The following CDYL2 variants were observed in gnomAD, a reference collection of about 807,000 sequenced individuals.
CDYL2 encodes the protein chromodomain Y like 2.
A neutral mutation model predicts 49.4 loss-of-function variants in CDYL2; 23 were observed. That is an observed-to-expected ratio of 0.47 (90% CI 0.34 to 0.66). The LOEUF is 0.66. CDYL2 is among the 30% of genes least tolerant of loss of function. The probability of loss-of-function intolerance (pLI) is 0.01; values close to 1 mark genes in which losing one functional copy is unlikely to be tolerated. For synonymous variants in CDYL2, 360 were observed against 268.8 expected (o/e 1.34, Z -3.32); for missense variants, 678 against 656.4 (o/e 1.03, Z -0.36).
intron 2 of CDYL2, among the ~76,000 whole-genome samples, chr16:80,645,672 A>G (rs1305985906): frequency 6.6e-6 from 1 of 152,192 alleles, no homozygotes; most frequent in African/African-American, 2.4e-5. Flanking sequence ...GCTGCTATAA[A>G]GACACATGCA....
At chr16:80,749,306 A>C (rs529701170) in intron 1 of CDYL2, among the ~76,000 whole-genome samples, 1 of 152,220 alleles carries the variant, frequency 6.6e-6, no homozygotes, top group Non-Finnish European at 1.5e-5. Context: ...AAAGTTATTG[A>C]AAATGCATAA....
chr16:80,675,819 G>A (rs562236498), intron 2 of CDYL2, among the ~76,000 whole-genome samples: 28 of 152,156 alleles, frequency 1.8e-4, no homozygotes, highest in Admixed American at 4.6e-4. Context: ...TTGCTCCTGG[G>A]GAGGATCGCT....
rs767900411 is a variant in CDYL2, at chr16:80,608,200, G to A, written c.1254C>T (p.Thr418=). ...GCCCCCTGCTGCAGGCCTCCTGGGCGGTGAGCTTCCGCCCACAGAACAGCA... is the reference window on the plus strand; with the variant it reads ...GCCCCCTGCTGCAGGCCTCCTGGGCAGTGAGCTTCCGCCCACAGAACAGCA... ...NEMLFCGRKL[T]AQEACSRGLV... Residue 418 remains threonine (T), a synonymous_variant, in exon 6 of 7, where the codon ACC becomes ACT. Transcript: ENST00000570137. 3.1e-6 allele frequency: 5 copies of A among 1,593,640 alleles called. No individual in the cohort carries two copies. The highest frequency in any genetic ancestry group is 1.1e-5 in the South Asian group (1 of 87,386).
At chr16:80,748,716 C>G (rs771748353) in intron 1 of CDYL2, among the ~76,000 whole-genome samples, 38 of 151,832 alleles carry the variant, frequency 2.5e-4, no homozygotes, top group Non-Finnish European at 5.1e-4. Context: ...CCATCTGGCC[C>G]AACACCACAA....
rs899041883 is a variant in CDYL2 at position 80,804,011 on chromosome 16, G to GGCCGCC, written c.24+133_24+138dup. On this transcript the variant is annotated intron_variant, in intron 1 of 6. Coordinates refer to ENST00000570137, the MANE Select transcript of CDYL2 (RefSeq NM_152342.4). ...GCGCGCCCGGCCCCCGCCACCCTCC[G>GGCCGCC]GCCGCCGCCGCCGCCGCCGCGGGCT... 39 of 384,054 alleles carry GGCCGCC rather than the reference G, an allele frequency of 1.0e-4. 1 individual carries two copies. In the South Asian group the frequency reaches 3.2e-3, roughly 32 times the overall value. The allele number at this position is 384,054 out of a possible 1,614,324, so 23.8% of individuals were successfully genotyped here. A position where few individuals can be genotyped will look rare whatever the true frequency, so the allele number is the denominator to read the frequency against.
chr16:80,636,199 T>C (rs1193464756), intron 2 of CDYL2, among the ~76,000 whole-genome samples: 2 of 152,070 alleles, frequency 1.3e-5, no homozygotes, highest in Non-Finnish European at 2.9e-5. Context: ...AAAGCCAAAA[T>C]TGACAAATGG....
intron 5 of CDYL2, among the ~76,000 whole-genome samples, chr16:80,611,260 T>C (rs1210689302): frequency 1.3e-5 from 2 of 151,980 alleles, no homozygotes; most frequent in African/African-American, 4.8e-5. Flanking sequence ...GGGCACTTAG[T>C]GGATTTGCAG....
chr16:80,626,538 T>G (rs1907311998), intron 3 of CDYL2, among the ~76,000 whole-genome samples: 1 of 152,120 alleles, frequency 6.6e-6, no homozygotes, highest in Non-Finnish European at 1.5e-5. Context: ...GATAACTTCT[T>G]AAAAATACAT....
intron 2 of CDYL2, among the ~76,000 whole-genome samples, chr16:80,638,275 A>G (rs562440896): frequency 2.0e-5 from 3 of 152,258 alleles, no homozygotes; most frequent in Admixed American, 2.0e-4. Context: ...GGGTCTCACT[A>G]TGTTGCCTAG....
At chr16:80,743,133 G>C (rs932313792) in intron 1 of CDYL2, among the ~76,000 whole-genome samples, 1 of 152,116 alleles carries the variant, frequency 6.6e-6, no homozygotes, top group African/African-American at 2.4e-5. Context: ...CGTCATTTTT[G>C]TTTCCACTTA....
At chr16:80,727,402 C>T (rs1032313559) in intron 1 of CDYL2, among the ~76,000 whole-genome samples, 45 of 152,368 alleles carry the variant, frequency 3.0e-4, no homozygotes, top group African/African-American at 8.2e-4. Flanking sequence ...GCTTAAAAAA[C>T]GGCGCACCAG....
At chr16:80,613,305 C>G (rs929813276) in intron 4 of CDYL2, among the ~76,000 whole-genome samples, 1 of 152,102 alleles carries the variant, frequency 6.6e-6, no homozygotes, top group Non-Finnish European at 1.5e-5. Flanking sequence ...AATGGAGTGG[C>G]TTTGTGGGGT....
upstream of CDYL2, among the ~76,000 whole-genome samples, chr16:80,804,651 G>T (rs1349075816): frequency 6.9e-6 from 1 of 145,556 alleles, no homozygotes; most frequent in Non-Finnish European, 1.5e-5. Context: ...GCGGGGAGGC[G>T]GGGGCTGCTG....
chr16:80,758,810 G>A (rs1024671682), intron 1 of CDYL2, among the ~76,000 whole-genome samples: 67 of 151,648 alleles, frequency 4.4e-4, no homozygotes, highest in Admixed American at 5.9e-4. Flanking sequence ...CCAAAGTGCC[G>A]GGATTACAGG....
At chr16:80,621,031 G>C in intron 3 of CDYL2, 96 bp from the exon 4 acceptor site, 1 of 1,354,110 alleles carries the variant, frequency 7.4e-7, no homozygotes, top group Admixed American at 2.8e-5. Flanking sequence ...GACCCCCTGA[G>C]GGTAGAGGCC....
intron 1 of CDYL2, among the ~76,000 whole-genome samples, chr16:80,688,126 G>C (rs922086372): frequency 1.3e-5 from 2 of 152,224 alleles, no homozygotes; most frequent in African/African-American, 2.4e-5. Flanking sequence ...GCGGAGCTTA[G>C]TTTTGTTCCC....
At chr16:80,635,789 C>T (rs887466336) in intron 2 of CDYL2, among the ~76,000 whole-genome samples, 1 of 152,174 alleles carries the variant, frequency 6.6e-6, no homozygotes, top group African/African-American at 2.4e-5. Context: ...AAGCTGGAGG[C>T]ATCATGCTAC....
At chr16:80,753,213 G>A (rs1906195507) in intron 1 of CDYL2, among the ~76,000 whole-genome samples, 1 of 151,730 alleles carries the variant, frequency 6.6e-6, no homozygotes, top group Non-Finnish European at 1.5e-5. Flanking sequence ...AGAGGACAAT[G>A]TAGTAAGGAA....
At chr16:80,718,904 G>C (rs773162694) in intron 1 of CDYL2, among the ~76,000 whole-genome samples, 3 of 152,202 alleles carry the variant, frequency 2.0e-5, no homozygotes, top group Non-Finnish European at 4.4e-5. Context: ...AGGACTTAGA[G>C]CCAGGGAACA....
Sources: allele counts gnomAD v4.1 joint callset (sites outside exome capture counted in the v4.1 genomes callset), GRCh38; gene constraint gnomAD v4.1.1; transcripts MANE v1.5; gene names NCBI Gene and HGNC (gene_info 2026-07-23, HGNC 2026-07-21).